Variants in TRAPPC3L observed in about 807,000 individuals in gnomAD.
The protein encoded by TRAPPC3L is trafficking protein particle complex subunit 3-like protein.
TRAPPC3L carries 23 observed loss-of-function variants against 23.7 expected under a neutral mutation model. The ratio of observed to expected loss-of-function variants is 0.97; its 90% CI spans 0.70 to 1.37. The LOEUF (loss-of-function observed/expected upper bound fraction) is 1.37, where lower values mean the gene tolerates loss of function less well. Among genes scored for constraint, TRAPPC3L ranks in the 40% most tolerant of loss-of-function variants. The probability of loss-of-function intolerance (pLI) is 0.00; values close to 1 mark genes in which losing one functional copy is unlikely to be tolerated. For missense variants in TRAPPC3L, 212 were observed against 216.8 expected (o/e 0.98, Z 0.14); for synonymous variants, 81 against 77.9 (o/e 1.04, Z -0.21).
At chr6:116,510,454 T>TA (rs930029536) in intron 3 of TRAPPC3L, among the ~76,000 whole-genome samples, 3 of 151,438 alleles carry the variant, frequency 2.0e-5, no homozygotes, top group African/African-American at 7.3e-5. Context: ...GCTAATTTTT[T>TA]TTTGGTATTT....
At chr6:116,535,746 T>A (rs1490994509) in intron 3 of TRAPPC3L, among the ~76,000 whole-genome samples, 1 of 152,202 alleles carries the variant, frequency 6.6e-6, no homozygotes, top group Non-Finnish European at 1.5e-5. Flanking sequence ...TTAGACCAAC[T>A]GCAAAATTTT....
chr6:116,540,502 A>G, intron 2 of TRAPPC3L, 40 bp from the exon 3 acceptor site: 1 of 1,532,524 alleles, frequency 6.5e-7, no homozygotes, highest in South Asian at 1.2e-5. Context: ...AAATTCTAAG[A>G]AATTAGTGAA....
At position 116,496,790 on chromosome 6, in the gene TRAPPC3L, G is replaced by GAA. The variant is rs140962692; in HGVS notation, c.*162_*163dup. The GAA allele has an allele frequency of 4.1e-6, 4 of 981,158 alleles. No individual in the cohort carries two copies. Among genetic ancestry groups the GAA allele is most frequent in the Non-Finnish European group, 4.2e-6 (3 of 720,596 alleles). The allele number at this position is 981,158 out of a possible 1,614,324, so 60.8% of individuals were successfully genotyped here. A position where few individuals can be genotyped will look rare whatever the true frequency, so the allele number is the denominator to read the frequency against. On this transcript the variant is annotated 3_prime_UTR_variant, in exon 5 of 5. Transcript: ENST00000368602. ...AAAATGCGTGATTTATAAGCAAAAG[G>GAA]AAAAAAAAACCTTTAAGCCTTCATG...
chr6:116,538,921 G>A (rs1410520140), intron 3 of TRAPPC3L, among the ~76,000 whole-genome samples: 1 of 151,856 alleles, frequency 6.6e-6, no homozygotes, highest in Admixed American at 6.6e-5. Context: ...TGTAGAGGTG[G>A]GATTTCACCA....
At chr6:116,539,308 G>A (rs1773288609) in intron 3 of TRAPPC3L, among the ~76,000 whole-genome samples, 1 of 152,074 alleles carries the variant, frequency 6.6e-6, no homozygotes, top group Admixed American at 6.5e-5. Context: ...CCTGGTTAGT[G>A]GTATGATAAA....
In TRAPPC3L at chr6:116,515,509, T is replaced by C. The variant is rs1323002151; in HGVS notation, c.241-14843A>G. The stretch of plus-strand genomic sequence containing the variant: ...AAATGAGGTATGTCAAAGACTGTGG[T>C]AATAATTTAGCTATACACTTCTCAA... On this transcript the variant is annotated intron_variant, in intron 3 of 4. Coordinates refer to ENST00000368602, the MANE Select transcript of TRAPPC3L (RefSeq NM_001139444.3). 17 of 1,312,278 alleles carry C rather than the reference T, an allele frequency of 1.3e-5. No individual in the cohort carries two copies. The African/African-American group carries it at 2.5e-4, about 19-fold the overall frequency. 81.3% of individuals were successfully genotyped at this position (1,312,278 alleles called of 1,614,324 possible).
intron 3 of TRAPPC3L, chr6:116,515,980 C>A: frequency 6.3e-7 from 1 of 1,589,890 alleles, no homozygotes; most frequent in Non-Finnish European, 8.6e-7. Flanking sequence ...GTACTGCCCA[C>A]AATATGTAGC....
At chr6:116,501,822 G>A (rs1042913296) in intron 3 of TRAPPC3L, among the ~76,000 whole-genome samples, 6 of 152,302 alleles carry the variant, frequency 3.9e-5, no homozygotes, top group African/African-American at 7.2e-5. Flanking sequence ...GAAAGGAATA[G>A]CATCAACATC....
chr6:116,538,387 G>A (rs1213708885), intron 3 of TRAPPC3L, among the ~76,000 whole-genome samples: 1 of 152,210 alleles, frequency 6.6e-6, no homozygotes, highest in Non-Finnish European at 1.5e-5. Flanking sequence ...CAGCAATGAG[G>A]TTGTATATGC....
chr6:116,545,339 A>C (rs1445475562), intron 1 of TRAPPC3L, 134 bp downstream of exon 1: 28 of 627,184 alleles, frequency 4.5e-5, no homozygotes, highest in Non-Finnish European at 7.5e-5. Context: ...TGTGTCATTT[A>C]TGATTCACTT....
At chr6:116,528,952 T>A (rs1237577842) in intron 3 of TRAPPC3L, 1 of 152,228 alleles carries the variant, frequency 6.6e-6, no homozygotes, top group Non-Finnish European at 1.5e-5. Context: ...GTTGTTGTAG[T>A]TGTTGAGGGA....
At chr6:116,515,042 C>A (rs1437853763) in intron 3 of TRAPPC3L, among the ~76,000 whole-genome samples, 2 of 152,148 alleles carry the variant, frequency 1.3e-5, no homozygotes, top group African/African-American at 2.4e-5. Flanking sequence ...CAAGACAAAT[C>A]ATTTTCAAGG....
At chr6:116,541,639 A>G (rs768153479) in intron 2 of TRAPPC3L, among the ~76,000 whole-genome samples, 24 of 152,206 alleles carry the variant, frequency 1.6e-4, no homozygotes, top group Admixed American at 1.3e-4. Flanking sequence ...AAAATGGTTT[A>G]TAATTTCAGC....
chr6:116,526,759 C>A (rs1772444345), intron 3 of TRAPPC3L, among the ~76,000 whole-genome samples: 1 of 152,070 alleles, frequency 6.6e-6, no homozygotes, highest in Admixed American at 6.5e-5. Flanking sequence ...TTTTGTTTCC[C>A]AGGGTATTTA....
chr6:116,505,555 T>C (rs1474922732), intron 3 of TRAPPC3L, among the ~76,000 whole-genome samples: 1 of 152,066 alleles, frequency 6.6e-6, no homozygotes, highest in African/African-American at 2.4e-5. Context: ...GAGCCCGCAT[T>C]GCCAAGACAA....
At chr6:116,523,955 C>A (rs997445940) in intron 3 of TRAPPC3L, 1 of 152,136 alleles carries the variant, frequency 6.6e-6, no homozygotes, top group Non-Finnish European at 1.5e-5. Flanking sequence ...TTATTTGTAT[C>A]CTGTTTCCAA....
chr6:116,530,469 T>C (rs190246271), intron 3 of TRAPPC3L, among the ~76,000 whole-genome samples: 68 of 152,344 alleles, frequency 4.5e-4, no homozygotes, highest in African/African-American at 1.2e-3. Flanking sequence ...CAAACTTTTG[T>C]AATTGGTTCC....
intron 3 of TRAPPC3L, chr6:116,512,321 T>C (rs1174755178): frequency 1.4e-6 from 2 of 1,391,910 alleles, no homozygotes; most frequent in Non-Finnish European, 1.9e-6. Context: ...GCTGTCTGTG[T>C]CCTGTCAGAA....
At chr6:116,512,201 G>T in intron 3 of TRAPPC3L, 1 of 1,606,074 alleles carries the variant, frequency 6.2e-7, no homozygotes. Flanking sequence ...TACCGTCAAT[G>T]AAGAACTGAA....
Sources: allele counts gnomAD v4.1 joint callset (sites outside exome capture counted in the v4.1 genomes callset), GRCh38; gene constraint gnomAD v4.1.1; transcripts MANE v1.5; gene names NCBI Gene and HGNC (gene_info 2026-07-23, HGNC 2026-07-21).